The following NEB variants were observed in gnomAD, a reference collection of about 807,000 sequenced individuals.
NEB encodes nemaline myopathy type 2.
Under a neutral mutation model 952.2 loss-of-function variants are expected in NEB, and 512 were observed. The observed-to-expected ratio is 0.54, with a 90% CI of 0.50 to 0.58. The LOEUF is 0.58. Ranked by LOEUF, NEB falls within the 20% of genes least tolerant of loss-of-function variation. The pLI, the probability that NEB is intolerant of heterozygous loss-of-function variation, is 0.00. For synonymous variants in NEB, 2,900 were observed against 3,149.8 expected (o/e 0.92, Z 2.66); for missense variants, 8,428 against 9,231.1 (o/e 0.91, Z 3.56).
At chr2:151,675,195 C>A in intron 35 of NEB, 92 bp downstream of exon 35, 1 of 891,078 alleles carries the variant, frequency 1.1e-6, no homozygotes, top group South Asian at 1.4e-5. Context: ...AGAAATGGGC[C>A]TAAATAAATT....
rs2096324310 is a variant in NEB, at chr2:151,565,553, A to C, written c.18314T>G (p.Val6105Gly). 2 of 1,603,366 alleles carry C rather than the reference A, an allele frequency of 1.2e-6. No homozygotes were observed. The highest frequency in any genetic ancestry group is 1.7e-6 in the Non-Finnish European group (2 of 1,171,026). Residue 6105 changes from valine to glycine, a missense_variant, in exon 116 of 182, where the codon GTG becomes GGG. Physicochemically the swap from Val to Gly is moderately radical, Grantham distance 109 (BLOSUM62 -3). Transcript: ENST00000397345. ...LENYPNFRSV[V>G]DPPEIVLAKI... ...GGCTAAAACAATCTCTGGAGGATCC[A>C]CCACACTTCTAAAGTTAGGATAGTT...
At chr2:151,653,506 AT>A (rs1346154922) in intron 52 of NEB, among the ~76,000 whole-genome samples, 3 of 152,106 alleles carry the variant, frequency 2.0e-5, no homozygotes, top group African/African-American at 7.2e-5. Context: ...ACCTTCTTGG[AT>A]TTTTTATGTC....
At chr2:151,546,518 C>A in intron 133 of NEB, 75 bp from the exon 134 acceptor site, 1 of 856,934 alleles carries the variant, frequency 1.2e-6, no homozygotes, top group Non-Finnish European at 1.9e-6. Flanking sequence ...GGAGTAGCAA[C>A]ACTTCTTAAT....
intron 159 of NEB, 52 bp downstream of exon 159, chr2:151,514,266 C>A: frequency 2.3e-6 from 3 of 1,302,592 alleles, no homozygotes; most frequent in Non-Finnish European, 3.3e-6. Context: ...ATTTGGCTAA[C>A]AAAGAAATGA....
chr2:151,716,100 C>T (rs779159843), intron 10 of NEB: 7 of 419,214 alleles, frequency 1.7e-5, no homozygotes, highest in East Asian at 1.4e-4. Context: ...GTCCTTCTCC[C>T]GTCTTATTTA....
Position 151,712,583 on chromosome 2 carries a change from G to A in NEB, c.823-2045C>T, listed in dbSNP as rs76204433. 3.6e-3 allele frequency among the ~76,000 whole-genome samples: 539 copies of A among 151,558 alleles called. 2 individuals carry two copies. Among genetic ancestry groups the A allele is most frequent in the African/African-American group, 0.012 (479 of 41,280 alleles). ...GATCGAGCTCTCACAATCCACTCCC[G>A]AGCACTGCCAAGTCTGGGAAGATTT... On this transcript the variant is annotated intron_variant, in intron 10 of 181. Coordinates refer to ENST00000397345, the MANE Select transcript of NEB (RefSeq NM_001164508.2).
At position 151,721,955 on chromosome 2, in the gene NEB, A is replaced by G. The variant is rs77270718; in HGVS notation, c.717+1427T>C. Among the ~76,000 whole-genome samples the G allele has an allele frequency of 5.3e-5, 8 of 152,338 alleles. No individual in the cohort carries two copies. The East Asian group carries it at 1.5e-3, about 29-fold the overall frequency. Reference sequence around the variant, plus strand: ...TTATATTTTAACCAATTACATAGAAAGTGAAATAGAAAAAGATGTCCACTA... The same window carrying G: ...TTATATTTTAACCAATTACATAGAAGGTGAAATAGAAAAAGATGTCCACTA... On this transcript the variant is annotated intron_variant, in intron 9 of 181. Coordinates refer to ENST00000397345, the MANE Select transcript of NEB (RefSeq NM_001164508.2).
intron 153 of NEB, among the ~76,000 whole-genome samples, chr2:151,523,944 T>C (rs75513863): frequency 2.2e-3 from 330 of 152,324 alleles, no homozygotes; most frequent in Non-Finnish European, 4.1e-3. Flanking sequence ...ATTTCATTGC[T>C]CTTCATGTTA....
Position 151,620,957 on chromosome 2 carries a change from T to C in NEB, c.10522A>G (p.Ile3508Val). ...TCCCGAGAGGCCTTGGCAGCCACAATGGGAATGGCATCACTTCTCAAGTCA... is the reference window on the plus strand; with the variant it reads ...TCCCGAGAGGCCTTGGCAGCCACAACGGGAATGGCATCACTTCTCAAGTCA... ...GYDLRSDAIP[I>V]VAAKASRDIA... The change falls in exon 72 of 182, where the codon ATT becomes GTT. Residue 3508 changes from isoleucine (I) to valine (V), a missense_variant. Coordinates refer to ENST00000397345, the MANE Select transcript of NEB (RefSeq NM_001164508.2). 6.2e-7 allele frequency: 1 copy of C among 1,612,966 alleles called. No homozygotes were observed. Among genetic ancestry groups the C allele is most frequent in the Non-Finnish European group, 8.5e-7 (1 of 1,179,502 alleles).
At chr2:151,680,708 T>C (rs1308940484) in intron 30 of NEB, 22 bp downstream of exon 30, 9 of 1,429,586 alleles carry the variant, frequency 6.3e-6, no homozygotes, top group South Asian at 3.5e-5. Flanking sequence ...TCTATTAACA[T>C]ATAGATAGCA....
At chr2:151,609,279 G>C (rs187796360) in intron 81 of NEB, among the ~76,000 whole-genome samples, 1 of 151,994 alleles carries the variant, frequency 6.6e-6, no homozygotes, top group South Asian at 2.1e-4. Context: ...TGGGGTTGAC[G>C]GGATAAGTGC....
At chr2:151,688,242 T>C in intron 25 of NEB, 50 bp downstream of exon 25, 1 of 1,370,500 alleles carries the variant, frequency 7.3e-7, no homozygotes, top group African/African-American at 1.4e-5. Flanking sequence ...TTAAAACATT[T>C]TCTCTTTTCA....
chr2:151,499,105 ATTAAG>A (rs913430202), intron 169 of NEB, among the ~76,000 whole-genome samples, 188 bp downstream of exon 169: 2 of 152,114 alleles, frequency 1.3e-5, no homozygotes, highest in Non-Finnish European at 2.9e-5. Context: ...CACTTTTTTT[ATTAAG>A]TTAAATGATT....
chr2:151,683,828 AGATGAATGGGT>A (rs2099454993), intron 28 of NEB, among the ~76,000 whole-genome samples: 1 of 152,228 alleles, frequency 6.6e-6, no homozygotes, highest in Non-Finnish European at 1.5e-5. Flanking sequence ...GTCTACCAAC[AGATGAATGGGT>A]GAATAAAATA....
intron 169 of NEB, among the ~76,000 whole-genome samples, chr2:151,498,565 A>AAAAG (rs2061952243): frequency 6.6e-6 from 1 of 152,198 alleles, no homozygotes; most frequent in African/African-American, 2.4e-5. Context: ...AAGAAATAGG[A>AAAAG]AAAGAAAGGT....
Position 151,508,013 on chromosome 2 carries a change from A to C in NEB, c.23443T>G (p.Phe7815Val), listed in dbSNP as rs771641301. ...ATTTAATAAAAACTTACAAGGCTGAAGTTCTTTTGGTTCTCCCGGACTCTC... is the reference window on the plus strand; with the variant it reads ...ATTTAATAAAAACTTACAAGGCTGACGTTCTTTTGGTTCTCCCGGACTCTC... ...IQRVRENQKN[F>V]SLLQYQCDLK... Residue 7815 changes from phenylalanine (F) to valine (V), a missense_variant, in exon 162 of 182, where the codon TTC (phenylalanine) becomes GTC (valine). By Grantham distance (50) the Phe-to-Val change is conservative. This residue lies in a region of NEB where 3,374 missense variants were observed against 3,651.5 expected (regional missense o/e 0.92). Coordinates refer to ENST00000397345, the MANE Select transcript of NEB (RefSeq NM_001164508.2). 9.3e-6 allele frequency: 15 copies of C among 1,606,042 alleles called. No homozygotes were observed. The highest frequency in any genetic ancestry group is 1.2e-5 in the Non-Finnish European group (14 of 1,175,418).
chr2:151,496,973 T>C lies in NEB; in HGVS notation c.24361A>G (p.Arg8121Gly). 6.3e-7 allele frequency: 1 copy of C among 1,580,908 alleles called. No homozygotes were observed. The highest frequency in any genetic ancestry group is 8.6e-7 in the Non-Finnish European group (1 of 1,161,180). The change falls in exon 172 of 182, where the codon AGA becomes GGA. Residue 8121 changes from arginine (R) to glycine (G), a missense_variant. Coordinates refer to ENST00000397345, the MANE Select transcript of NEB (RefSeq NM_001164508.2). ...ATATTTTCTTGATTGTGTTTGACTC[T>C]CTCCATCTCAGGAGTGACAGGTAGA... ...TPLPVTPEME[R>G]VKHNQENISS... is the part of the protein sequence containing the mutation.
In NEB at chr2:151,615,555, C is replaced by CT. The variant is rs2098164376; in HGVS notation, c.11289+446dup. Among the ~76,000 whole-genome samples, 2 of 152,158 alleles carry CT rather than the reference C, an allele frequency of 1.3e-5. 1 individual carries two copies. The highest frequency in any genetic ancestry group is 4.1e-4 in the South Asian group (2 of 4,830). On this transcript the variant is annotated intron_variant, in intron 76 of 181. Coordinates refer to ENST00000397345, the MANE Select transcript of NEB (RefSeq NM_001164508.2). ...AAACAAATCTCTAAGACATATCCATCTAGTTTTCTTTTAATGCAAGAATAA... is the reference window on the plus strand; with the variant it reads ...AAACAAATCTCTAAGACATATCCATCTTAGTTTTCTTTTAATGCAAGAATAA...
At chr2:151,581,417 G>T (rs1366523760) in intron 103 of NEB, 66 bp downstream of exon 103, 4 of 464,718 alleles carry the variant, frequency 8.6e-6, no homozygotes, top group East Asian at 6.7e-5. Context: ...TCTCTTTGGG[G>T]TGTATAATAA....
Sources: allele counts gnomAD v4.1 joint callset (sites outside exome capture counted in the v4.1 genomes callset), GRCh38; gene constraint gnomAD v4.1.1; regional missense constraint gnomAD v4.1.1; transcripts MANE v1.5; gene names NCBI Gene and HGNC (gene_info 2026-07-23, HGNC 2026-07-21).